DNAH10: variants seen among roughly 807,000 people sequenced by gnomAD.
DNAH10 encodes the protein axonemal beta dynein heavy chain 10.
Under a neutral mutation model 506.6 loss-of-function variants are expected in DNAH10, and 348 were observed. That is an observed-to-expected ratio of 0.69 (90% CI 0.63 to 0.75). The LOEUF (loss-of-function observed/expected upper bound fraction) is 0.75. Among genes scored for constraint, DNAH10 ranks in the 30% least tolerant of loss-of-function variants. The pLI is 0.00. For missense variants in DNAH10, 5,179 were observed against 5,787.1 expected (o/e 0.89, Z 3.41); for synonymous variants, 2,059 against 2,198.6 (o/e 0.94, Z 1.78).
intron 78 of DNAH10, 44 bp from the exon 79 acceptor site, chr12:123,935,291 C>T: frequency 6.3e-7 from 1 of 1,587,050 alleles, no homozygotes; most frequent in African/African-American, 1.4e-5. Flanking sequence ...TATCCCTCTG[C>T]ACCCTCTCTC....
chr12:123,762,635 C>A lies in DNAH10; in HGVS notation c.214+85C>A. ...CGGCGGGCGCCGGGGCTGCTAGAGCCTGCCCATCGTCCGGCCCCGGCCTCA... is the reference window on the plus strand; with the variant it reads ...CGGCGGGCGCCGGGGCTGCTAGAGCATGCCCATCGTCCGGCCCCGGCCTCA... On this transcript the variant is annotated intron_variant, in intron 1 of 78. Coordinates refer to ENST00000673944, the MANE Select transcript of DNAH10 (RefSeq NM_001372106.1). The surrounding 1 kb of genome is among the most constrained non-coding windows in gnomAD (Gnocchi z 5.0). 7.2e-7 allele frequency: 1 copy of A among 1,392,718 alleles called. No individual in the cohort carries two copies. Among genetic ancestry groups the A allele is most frequent in the Non-Finnish European group, 9.6e-7 (1 of 1,041,852 alleles). The allele number at this position is 1,392,718 out of a possible 1,614,324, so 86.3% of individuals were successfully genotyped here.
intron 27 of DNAH10, among the ~76,000 whole-genome samples, chr12:123,833,776 T>A (rs1960830581): frequency 6.6e-6 from 1 of 152,206 alleles, no homozygotes; most frequent in Admixed American, 6.5e-5. Context: ...TGATTTTGAT[T>A]TTTTTTTCTA....
At position 123,910,580 on chromosome 12, in the gene DNAH10, G is replaced by A; in HGVS notation, c.10042G>A (p.Val3348Ile). ...LNTTTEEMEA[V>I]SKAGLGMLKF... is the part of the protein sequence containing the mutation. Reference sequence around the variant, plus strand: ...TACCACAACTGAAGAAATGGAAGCTGTCAGCAAAGCCGGGCTGGGGATGCT... The same window carrying A: ...TACCACAACTGAAGAAATGGAAGCTATCAGCAAAGCCGGGCTGGGGATGCT... Residue 3348 changes from valine (V) to isoleucine (I), a missense_variant, in exon 59 of 79, where the codon GTC becomes ATC. By Grantham distance (29) the Val-to-Ile change is conservative. This residue lies in a region of DNAH10 where 4,844 missense variants were observed against 5,430.5 expected (regional missense o/e 0.89). Coordinates refer to ENST00000673944, the MANE Select transcript of DNAH10 (RefSeq NM_001372106.1). 2 of 1,613,732 alleles carry A rather than the reference G, an allele frequency of 1.2e-6. No homozygotes were observed. The highest frequency in any genetic ancestry group is 1.1e-5 in the South Asian group (1 of 91,078).
chr12:123,793,488 A>T (rs914248401), intron 11 of DNAH10, among the ~76,000 whole-genome samples: 3 of 151,646 alleles, frequency 2.0e-5, no homozygotes, highest in African/African-American at 7.3e-5. Flanking sequence ...ACAGGCGCCC[A>T]CCACCATGCC....
rs146013647 is a variant in DNAH10 at position 123,865,552 on chromosome 12, T to G, written c.7045-399T>G. Reference sequence around the variant, plus strand: ...TATATCTGGTTTAGCTTTGTACTTATGAAGTTTTATACTGCCTGATCTCAA... The same window carrying G: ...TATATCTGGTTTAGCTTTGTACTTAGGAAGTTTTATACTGCCTGATCTCAA... On this transcript the variant is annotated intron_variant, in intron 40 of 78. Transcript: ENST00000673944. Among the ~76,000 whole-genome samples the G allele has an allele frequency of 2.1e-3, 324 of 152,314 alleles. 3 individuals carry two copies. Among genetic ancestry groups the G allele is most frequent in the African/African-American group, 7.1e-3 (293 of 41,558 alleles).
At chr12:123,812,372 A>T (rs1958974452) in intron 19 of DNAH10, among the ~76,000 whole-genome samples, 1 of 152,054 alleles carries the variant, frequency 6.6e-6, no homozygotes, top group Non-Finnish European at 1.5e-5. Context: ...AATGGTGTGA[A>T]CCCAGGAGGC....
chr12:123,815,469 A>G (rs1264672276), intron 21 of DNAH10, among the ~76,000 whole-genome samples: 1 of 152,096 alleles, frequency 6.6e-6, no homozygotes, highest in African/African-American at 2.4e-5. Flanking sequence ...GTGAATATTG[A>G]CAGTTTCATT....
At chr12:123,826,972 A>G in intron 25 of DNAH10, 74 bp downstream of exon 25, 2 of 1,373,338 alleles carry the variant, frequency 1.5e-6, no homozygotes, top group South Asian at 1.4e-5. Context: ...CCCTCAGTAC[A>G]TTATCTTTGG....
In DNAH10 at chr12:123,846,222, G is replaced by A; in HGVS notation, c.5814+68G>A. 1 of 1,523,630 alleles carries A rather than the reference G, an allele frequency of 6.6e-7. No individual in the cohort carries two copies. The highest frequency in any genetic ancestry group is 1.2e-5 in the South Asian group (1 of 80,434). The allele number at this position is 1,523,630 out of a possible 1,614,324, so 94.4% of individuals were successfully genotyped here. A position where few individuals can be genotyped will look rare whatever the true frequency, so the allele number is the denominator to read the frequency against. ...GCGGGGCATTTTCTCTAAGCTTGAG[G>A]TGTGATGACTGCAGTGATTGAAATA... On this transcript the variant is annotated intron_variant, in intron 32 of 78. Transcript: ENST00000673944. This position sits in a 1 kb window ranked among gnomAD's most constrained non-coding sequence, Gnocchi z 4.5.
At position 123,787,346 on chromosome 12, in the gene DNAH10, GATATCT is replaced by G. The variant is rs557705238; in HGVS notation, c.1422-447_1422-442del. Among the ~76,000 whole-genome samples, 536 of 152,056 alleles carry G rather than the reference GATATCT, an allele frequency of 3.5e-3. 12 individuals are homozygous for G. Among genetic ancestry groups the G allele is most frequent in the East Asian group, 1.5e-3 (8 of 5,168 alleles). On this transcript the variant is annotated intron_variant, in intron 9 of 78. Coordinates refer to ENST00000673944, the MANE Select transcript of DNAH10 (RefSeq NM_001372106.1). This position sits in a 1 kb window ranked among gnomAD's most constrained non-coding sequence, Gnocchi z 4.6. ...TATGACTTTTTGTTATCTATAGATA[GATATCT>G]ATATCTATATGTATCCATATCTATT...
At position 123,867,948 on chromosome 12, in the gene DNAH10, A is replaced by G. The variant is rs1171511538; in HGVS notation, c.7348A>G (p.Ile2450Val). The G allele has an allele frequency of 6.2e-7, 1 of 1,613,850 alleles. No homozygotes were observed. The highest frequency in any genetic ancestry group is 1.1e-5 in the South Asian group (1 of 91,060). The change falls in exon 43 of 79, where the codon ATA becomes GTA. Residue 2450 changes from isoleucine (I) to valine (V), a missense_variant. By Grantham distance (29) the Ile-to-Val change is conservative. Around this residue, in one of 3 missense-constraint regions of DNAH10, gnomAD observed 4,844 missense variants for 5,430.5 expected, o/e 0.89. Coordinates refer to ENST00000673944, the MANE Select transcript of DNAH10 (RefSeq NM_001372106.1). Reference sequence around the variant, plus strand: ...GTTGGATGCGTTGCTAGAAGGAGAAATAGAAGACCTTGACCTGCTGGAGTG... The same window carrying G: ...GTTGGATGCGTTGCTAGAAGGAGAAGTAGAAGACCTTGACCTGCTGGAGTG... ...KMLDALLEGE[I>V]EDLDLLECYF...
chr12:123,829,451 C>T (rs1484763744), intron 25 of DNAH10, among the ~76,000 whole-genome samples: 4 of 152,148 alleles, frequency 2.6e-5, no homozygotes, highest in Non-Finnish European at 4.4e-5. Flanking sequence ...AAGTCACCAT[C>T]GCCATCGTGG....
At position 123,902,117 on chromosome 12, in the gene DNAH10, C is replaced by T. The variant is rs1483459864; in HGVS notation, c.9641-822C>T. Among the ~76,000 whole-genome samples, 1 of 152,130 alleles carries T rather than the reference C, an allele frequency of 6.6e-6. No homozygotes were observed. Among genetic ancestry groups the T allele is most frequent in the African/African-American group, 2.4e-5 (1 of 41,408 alleles). The stretch of plus-strand genomic sequence containing the variant: ...TTCCTTAGCTTAGCTTATAAATGCA[C>T]CACTCCAGCGTCTGTCTCCATTGCC... On this transcript the variant is annotated intron_variant, in intron 56 of 78. Coordinates refer to ENST00000673944, the MANE Select transcript of DNAH10 (RefSeq NM_001372106.1). This position sits in a 1 kb window ranked among gnomAD's most constrained non-coding sequence, Gnocchi z 4.5.
rs767311366 is a variant in DNAH10 at position 123,864,671 on chromosome 12, T to A, written c.6985T>A (p.Leu2329Met). The change falls in exon 40 of 79, where the codon TTG becomes ATG. Residue 2329 changes from leucine (L) to methionine (M), a missense_variant. By Grantham distance (15) the Leu-to-Met change is conservative (BLOSUM62 2). Around this residue, in one of 3 missense-constraint regions of DNAH10, gnomAD observed 4,844 missense variants for 5,430.5 expected, o/e 0.89. Coordinates refer to ENST00000673944, the MANE Select transcript of DNAH10 (RefSeq NM_001372106.1). ...TTCTGTGATGGATGACAACAGGTTG[T>A]TGACATTGGCCAACGGGGAACGCAT... ...MNSVMDDNRLLTLANGERIRL... is the reference protein window; with the variant it reads ...MNSVMDDNRLMTLANGERIRL... 1 of 1,613,916 alleles carries A rather than the reference T, an allele frequency of 6.2e-7. No homozygotes were observed. Among genetic ancestry groups the A allele is most frequent in the Non-Finnish European group, 8.5e-7 (1 of 1,179,906 alleles).
rs143364291 is a variant in DNAH10 at position 123,823,532 on chromosome 12, A to G, written c.4179+2774A>G. Among the ~76,000 whole-genome samples, 939 of 152,334 alleles carry G rather than the reference A, an allele frequency of 6.2e-3. 20 individuals carry two copies. The highest frequency in any genetic ancestry group is 0.021 in the African/African-American group (877 of 41,574). ...CACCAGGCAAAAAATTCATAAAGTT[A>G]AAAACATACCGTCAGCTTTTAAAAG... On this transcript the variant is annotated intron_variant, in intron 24 of 78. Coordinates refer to ENST00000673944, the MANE Select transcript of DNAH10 (RefSeq NM_001372106.1).
At chr12:123,818,283 T>G (rs1336551495) in intron 21 of DNAH10, among the ~76,000 whole-genome samples, 1 of 152,076 alleles carries the variant, frequency 6.6e-6, no homozygotes, top group East Asian at 1.9e-4. Context: ...TTTATACTGA[T>G]TTTATTTTAA....
intron 64 of DNAH10, 90 bp from the exon 65 acceptor site, chr12:123,918,586 T>C: frequency 8.2e-6 from 12 of 1,467,854 alleles, no homozygotes; most frequent in Non-Finnish European, 1.1e-5. Flanking sequence ...TGAAGCATTG[T>C]ACATACCTCT....
chr12:123,766,215 TTATC>T (rs537605174), intron 1 of DNAH10, among the ~76,000 whole-genome samples: 53 of 151,844 alleles, frequency 3.5e-4, no homozygotes, highest in Middle Eastern at 3.4e-3. Flanking sequence ...ACATGTCTGT[TTATC>T]TATCTGTCTG....
intron 26 of DNAH10, among the ~76,000 whole-genome samples, chr12:123,832,535 G>T (rs1284094814): frequency 6.6e-6 from 1 of 151,412 alleles, no homozygotes; most frequent in Non-Finnish European, 1.5e-5. Flanking sequence ...TTGAGACAGG[G>T]TCTCCCTATG....
Sources: allele counts gnomAD v4.1 joint callset (sites outside exome capture counted in the v4.1 genomes callset), GRCh38; gene constraint gnomAD v4.1.1; regional missense constraint gnomAD v4.1.1; non-coding constraint Gnocchi (gnomAD v3.1); transcripts MANE v1.5; gene names NCBI Gene and HGNC (gene_info 2026-07-23, HGNC 2026-07-21).